The following GALNT16 variants were observed in gnomAD, a reference collection of about 807,000 sequenced individuals.
GALNT16 encodes the protein polypeptide N-acetylgalactosaminyltransferase 16.
In GALNT16, 40 loss-of-function variants were observed where a neutral mutation model predicts 76.1. The observed-to-expected ratio is 0.53, with a 90% CI of 0.41 to 0.68. GALNT16 has a LOEUF of 0.68. GALNT16 is among the 30% of genes least tolerant of loss of function. The probability of loss-of-function intolerance (pLI) is 0.00; values close to 1 mark genes in which losing one functional copy is unlikely to be tolerated. For synonymous variants in GALNT16, 276 were observed against 285.2 expected (o/e 0.97, Z 0.32); for missense variants, 621 against 731.9 (o/e 0.85, Z 1.75).
the GALNT16 span, among the ~76,000 whole-genome samples, chr14:69,371,052 G>A: frequency 6.6e-6 from 1 of 152,142 alleles, no homozygotes; most frequent in East Asian, 1.9e-4. Context: ...AAGGGCCAAG[G>A]ACAGCCTATT....
the GALNT16 span, among the ~76,000 whole-genome samples, chr14:69,367,749 G>A: frequency 2.0e-5 from 3 of 151,914 alleles, no homozygotes; most frequent in East Asian, 5.8e-4. Context: ...AGTGGAGATG[G>A]GGCAGGGTGG....
At chr14:69,384,020 A>ACT in the GALNT16 span, among the ~76,000 whole-genome samples, 1 of 152,182 alleles carries the variant, frequency 6.6e-6, no homozygotes, top group African/African-American at 2.4e-5. Context: ...CAAAGTTAGA[A>ACT]AAGTTATGTT....
intron 1 of GALNT16, among the ~76,000 whole-genome samples, chr14:69,296,674 C>T (rs1236956867): frequency 1.3e-5 from 2 of 151,956 alleles, no homozygotes; most frequent in African/African-American, 2.4e-5. Flanking sequence ...GCCTGTATGA[C>T]AGAGCCAGAC....
intron 11 of GALNT16, 54 bp from the exon 12 acceptor site, chr14:69,341,627 C>G (rs956314266): frequency 1.7e-6 from 2 of 1,205,210 alleles, no homozygotes; most frequent in Non-Finnish European, 2.4e-6. Flanking sequence ...CATCCTCCCT[C>G]GGGCTGCCTT....
intron 5 of GALNT16, 96 bp from the exon 6 acceptor site, chr14:69,328,354 G>A: frequency 7.9e-7 from 1 of 1,263,878 alleles, no homozygotes; most frequent in African/African-American, 1.5e-5. Flanking sequence ...GGAAGCCTCA[G>A]CCCCTGAAGG....
the GALNT16 span, chr14:69,380,521 CAGTG>C: frequency 1.5e-6 from 2 of 1,367,738 alleles, no homozygotes; most frequent in Non-Finnish European, 2.1e-6. Context: ...CCAACCCCCC[CAGTG>C]CTTCCAACAC....
the GALNT16 span, among the ~76,000 whole-genome samples, chr14:69,371,892 C>T: frequency 2.0e-5 from 3 of 151,484 alleles, no homozygotes; most frequent in African/African-American, 7.3e-5. Flanking sequence ...TGCAGTGAGC[C>T]GAGATCGTGC....
chr14:69,333,008 A>G lies in GALNT16; in HGVS notation c.779-77A>G. ...AGGGCTCTGATCAGGGGAGACTCCGAGGGGTGGTGGAGTGAAGGGTCTCAG... is the reference window on the plus strand; with the variant it reads ...AGGGCTCTGATCAGGGGAGACTCCGGGGGGTGGTGGAGTGAAGGGTCTCAG... On this transcript the variant is annotated intron_variant, in intron 7 of 14. Transcript: ENST00000448469. The surrounding 1 kb of genome is among the most constrained non-coding windows in gnomAD (Gnocchi z 4.2). 1 of 977,814 alleles carries G rather than the reference A, an allele frequency of 1.0e-6. No individual in the cohort carries two copies. The allele number at this position is 977,814 out of a possible 1,614,324, so 60.6% of individuals were successfully genotyped here. A position where few individuals can be genotyped will look rare whatever the true frequency, so the allele number is the denominator to read the frequency against.
chr14:69,274,473 T>C (rs2044446080), intron 1 of GALNT16, among the ~76,000 whole-genome samples: 1 of 152,202 alleles, frequency 6.6e-6, no homozygotes, highest in Admixed American at 6.5e-5. Flanking sequence ...GGGCTATTGT[T>C]ATCTAAAGGA....
intron 1 of GALNT16, among the ~76,000 whole-genome samples, chr14:69,294,782 T>A (rs1241274201): frequency 2.6e-5 from 4 of 152,160 alleles, no homozygotes; most frequent in African/African-American, 9.7e-5. Flanking sequence ...GGGAGTCTCA[T>A]CATGTTGCCC....
At chr14:69,298,453 G>A (rs144779150) in intron 1 of GALNT16, 1 of 152,488 alleles carries the variant, frequency 6.6e-6, no homozygotes, top group East Asian at 1.9e-4. Context: ...CTTCCAACCT[G>A]TTGGTAGGGA....
the GALNT16 span, among the ~76,000 whole-genome samples, chr14:69,370,690 T>A: frequency 6.6e-6 from 1 of 152,236 alleles, no homozygotes; most frequent in South Asian, 2.1e-4. Flanking sequence ...CTCATATATG[T>A]CATTTTATCT....
intron 1 of GALNT16, among the ~76,000 whole-genome samples, chr14:69,295,152 G>A (rs868502078): frequency 6.6e-6 from 1 of 152,076 alleles, no homozygotes; most frequent in Non-Finnish European, 1.5e-5. Flanking sequence ...CATGGCTCAC[G>A]CCTGTAATCC....
At chr14:69,326,149 C>T (rs1176975238) in intron 5 of GALNT16, 122 bp downstream of exon 5, 2 of 767,814 alleles carry the variant, frequency 2.6e-6, no homozygotes, top group Non-Finnish European at 4.6e-6. Flanking sequence ...TTCCTGATGG[C>T]TGAGACCAGG....
At chr14:69,367,178 T>C in the GALNT16 span, among the ~76,000 whole-genome samples, 1 of 152,044 alleles carries the variant, frequency 6.6e-6, no homozygotes, top group African/African-American at 2.4e-5. Flanking sequence ...GGTAGGCAGG[T>C]GCTGATCATG....
At chr14:69,336,427 A>G (rs868491812) in intron 9 of GALNT16, among the ~76,000 whole-genome samples, 40 of 152,214 alleles carry the variant, frequency 2.6e-4, no homozygotes, top group South Asian at 1.9e-3. Context: ...GGCCTCTTTG[A>G]ACTTGCCAGC....
intron 2 of GALNT16, among the ~76,000 whole-genome samples, chr14:69,323,572 T>A (rs2045234466): frequency 6.6e-6 from 1 of 152,144 alleles, no homozygotes; most frequent in African/African-American, 2.4e-5. Flanking sequence ...ACACCCCAGC[T>A]CAGCCGGCCA....
In GALNT16 at chr14:69,341,732, C is replaced by G; in HGVS notation, c.1239C>G (p.Arg413=). 2 of 1,613,138 alleles carry G rather than the reference C, an allele frequency of 1.2e-6. No individual in the cohort carries two copies. The highest frequency in any genetic ancestry group is 1.7e-6 in the Non-Finnish European group (2 of 1,179,340). The stretch of plus-strand genomic sequence containing the variant: ...AGAAGATGAACTGCAAGTCCTTCCG[C>G]TGGTACCTGGAGAACGTCTACCCAG... ...QRKKMNCKSF[R]WYLENVYPEL... Residue 413 remains arginine, a synonymous_variant, in exon 12 of 15, where the codon CGC becomes CGG. Transcript: ENST00000448469.
chr14:69,371,327 C>G, the GALNT16 span, among the ~76,000 whole-genome samples: 1 of 152,000 alleles, frequency 6.6e-6, no homozygotes, highest in Non-Finnish European at 1.5e-5. Context: ...GATCTCAGCT[C>G]ACTGCAACCT....
Sources: allele counts gnomAD v4.1 joint callset (sites outside exome capture counted in the v4.1 genomes callset), GRCh38; gene constraint gnomAD v4.1.1; non-coding constraint Gnocchi (gnomAD v3.1); transcripts MANE v1.5; gene names NCBI Gene and HGNC (gene_info 2026-07-23, HGNC 2026-07-21).